Variants in TUSC3 observed in about 807,000 individuals in gnomAD.
TUSC3 encodes tumor suppressor candidate 3, also known as dolichyl-diphosphooligosaccharide--protein glycosyltransferase subunit TUSC3.
A neutral mutation model predicts 44.8 loss-of-function variants in TUSC3; 45 were observed. The observed-to-expected ratio is 1.00, with a 90% CI of 0.79 to 1.29. The LOEUF (loss-of-function observed/expected upper bound fraction) is 1.29. TUSC3 is among the 50% of genes most tolerant of loss of function. The probability of loss-of-function intolerance (pLI) is 0.00; values close to 1 mark genes in which losing one functional copy is unlikely to be tolerated. For missense variants in TUSC3, 519 were observed against 437.9 expected (o/e 1.19, Z -1.65); for synonymous variants, 212 against 152.9 (o/e 1.39, Z -2.85).
chr8:15,518,495 A>G (rs1051755909), intron 2 of TUSC3, among the ~76,000 whole-genome samples: 11 of 152,336 alleles, frequency 7.2e-5, no homozygotes, highest in Admixed American at 5.2e-4. Context: ...TATATTTATT[A>G]TAACAGAAAA....
At chr8:15,611,946 T>C (rs569490231) in intron 1 of TUSC3, among the ~76,000 whole-genome samples, 1 of 152,190 alleles carries the variant, frequency 6.6e-6, no homozygotes, top group Non-Finnish European at 1.5e-5. Flanking sequence ...TCATGTTTGG[T>C]TTATCGTTGG....
At chr8:15,729,816 A>G (rs1363472904) in intron 6 of TUSC3, among the ~76,000 whole-genome samples, 1 of 151,978 alleles carries the variant, frequency 6.6e-6, no homozygotes, top group Non-Finnish European at 1.5e-5. Flanking sequence ...GCGACATGCA[A>G]TTTCCCATGT....
intron 1 of TUSC3, among the ~76,000 whole-genome samples, chr8:15,551,012 T>C (rs1013831964): frequency 6.6e-5 from 10 of 151,760 alleles, no homozygotes; most frequent in African/African-American, 1.9e-4. Flanking sequence ...GATAAATAAA[T>C]GTGGATTCTA....
At chr8:15,477,579 A>G (rs1006469186) in intron 1 of TUSC3, among the ~76,000 whole-genome samples, 6 of 152,024 alleles carry the variant, frequency 3.9e-5, no homozygotes, top group Non-Finnish European at 2.9e-5. Flanking sequence ...AAAATTAGCC[A>G]AGTGAGGTGG....
chr8:15,834,185 C>T, the TUSC3 span, among the ~76,000 whole-genome samples: 1 of 152,038 alleles, frequency 6.6e-6, no homozygotes, highest in African/African-American at 2.4e-5. Context: ...TGTCAGAGCA[C>T]ATTACATAAG....
chr8:15,679,592 G>T (rs1257348911), intron 6 of TUSC3, among the ~76,000 whole-genome samples: 1 of 152,078 alleles, frequency 6.6e-6, no homozygotes, highest in African/African-American at 2.4e-5. Context: ...AAGCTCTTCA[G>T]TATAATTAGG....
the TUSC3 span, among the ~76,000 whole-genome samples, chr8:15,775,406 T>C: frequency 6.6e-6 from 1 of 152,038 alleles, no homozygotes. Context: ...GTGAATGTAC[T>C]TCATGCTACT....
intron 1 of TUSC3, among the ~76,000 whole-genome samples, chr8:15,546,239 C>T (rs1049220514): frequency 2.0e-5 from 3 of 151,814 alleles, no homozygotes; most frequent in African/African-American, 7.2e-5. Context: ...ACTCTTGATC[C>T]TTCCTTCGCC....
chr8:15,670,526 C>T (rs1807901495), intron 5 of TUSC3, among the ~76,000 whole-genome samples: 1 of 151,764 alleles, frequency 6.6e-6, no homozygotes, highest in Non-Finnish European at 1.5e-5. Context: ...TTTTACCTCC[C>T]ACCATACACA....
chr8:15,429,392 G>A (rs1799844407), intron 1 of TUSC3, among the ~76,000 whole-genome samples: 1 of 150,506 alleles, frequency 6.6e-6, no homozygotes, highest in East Asian at 1.9e-4. Flanking sequence ...ATAGTTTGAA[G>A]TCAGGTAATG....
At chr8:15,503,791 C>T (rs1419369896) in intron 2 of TUSC3, among the ~76,000 whole-genome samples, 1 of 151,896 alleles carries the variant, frequency 6.6e-6, no homozygotes, top group East Asian at 1.9e-4. Context: ...TCACTTGAGG[C>T]CAGGAGTTTG....
chr8:15,763,614 ATT>A (rs953612969), intron 10 of TUSC3, among the ~76,000 whole-genome samples: 1 of 151,988 alleles, frequency 6.6e-6, no homozygotes, highest in Non-Finnish European at 1.5e-5. Context: ...ACAAAATTAA[ATT>A]TTGTTTCATA....
intron 7 of TUSC3, among the ~76,000 whole-genome samples, chr8:15,733,974 G>T (rs1200511439): frequency 2.0e-5 from 3 of 152,118 alleles, no homozygotes; most frequent in Non-Finnish European, 4.4e-5. Flanking sequence ...AGCCCGGGAG[G>T]TCAAGGCTGC....
intron 5 of TUSC3, among the ~76,000 whole-genome samples, chr8:15,664,683 G>C (rs1452437782): frequency 6.7e-6 from 1 of 149,586 alleles, no homozygotes; most frequent in Non-Finnish European, 1.5e-5. Context: ...AACAACGTTT[G>C]TAATACTTTT....
chr8:15,632,910 G>A (rs1396967245), intron 2 of TUSC3, among the ~76,000 whole-genome samples: 2 of 152,102 alleles, frequency 1.3e-5, no homozygotes, highest in Non-Finnish European at 2.9e-5. Context: ...GATATTCTAA[G>A]CTTACGTTGT....
the TUSC3 span, among the ~76,000 whole-genome samples, chr8:15,779,843 T>C: frequency 3.9e-5 from 6 of 152,328 alleles, no homozygotes; most frequent in Admixed American, 2.6e-4. Flanking sequence ...AGAAGGGAAC[T>C]AATAAAGGGC....
At chr8:15,850,006 C>T in the TUSC3 span, among the ~76,000 whole-genome samples, 1 of 152,096 alleles carries the variant, frequency 6.6e-6, no homozygotes, top group Non-Finnish European at 1.5e-5. Context: ...TACCATTCAT[C>T]TTCGACTTCC....
the TUSC3 span, among the ~76,000 whole-genome samples, chr8:15,774,074 T>A: frequency 6.6e-6 from 1 of 152,124 alleles, no homozygotes; most frequent in Non-Finnish European, 1.5e-5. Context: ...TTTTGTGCAT[T>A]AAAAGCACTA....
At chr8:15,421,861 T>G (rs1799742280) in intron 1 of TUSC3, among the ~76,000 whole-genome samples, 1 of 152,142 alleles carries the variant, frequency 6.6e-6, no homozygotes. Context: ...CTAGTCTGAT[T>G]TTATGTTTTC....
Sources: allele counts gnomAD v4.1 joint callset (sites outside exome capture counted in the v4.1 genomes callset), GRCh38; gene constraint gnomAD v4.1.1; transcripts MANE v1.5; gene names NCBI Gene and HGNC (gene_info 2026-07-23, HGNC 2026-07-21).